The following BCL7A variants were observed in gnomAD, a reference collection of about 807,000 sequenced individuals.
BCL7A encodes B-cell CLL/lymphoma 7 protein family member A.
BCL7A carries 11 observed loss-of-function variants against 28.4 expected under a neutral mutation model. That is an observed-to-expected ratio of 0.39 (90% CI 0.24 to 0.64). The LOEUF is 0.64. Among genes scored for constraint, BCL7A ranks in the 30% least tolerant of loss-of-function variants. The pLI is 0.50. For synonymous variants in BCL7A, 123 were observed against 103.3 expected (o/e 1.19, Z -1.15); for missense variants, 222 against 274.8 (o/e 0.81, Z 1.36).
intron 1 of BCL7A, 49 bp downstream of exon 1, chr12:122,022,232 C>T (rs1382845279): frequency 6.6e-5 from 86 of 1,312,398 alleles, no homozygotes; most frequent in Admixed American, 7.9e-5. Context: ...GCCCCGAGCC[C>T]GAGCGCGGCT....
At chr12:122,025,658 A>T (rs2135838057) in intron 1 of BCL7A, among the ~76,000 whole-genome samples, 1 of 149,948 alleles carries the variant, frequency 6.7e-6, no homozygotes, top group Middle Eastern at 3.6e-3. Flanking sequence ...GAAAAAAGAA[A>T]AATTAGTCTG....
chr12:122,032,818 T>C (rs1883771725), intron 2 of BCL7A, among the ~76,000 whole-genome samples: 1 of 152,186 alleles, frequency 6.6e-6, no homozygotes, highest in Admixed American at 6.5e-5. Flanking sequence ...CCTCTTCATC[T>C]GTGAGCCATG....
At chr12:122,024,488 A>G (rs1251526513) in intron 1 of BCL7A, among the ~76,000 whole-genome samples, 2 of 138,920 alleles carry the variant, frequency 1.4e-5, no homozygotes, top group Non-Finnish European at 3.1e-5. Context: ...GGCCCCTTCT[A>G]AGCGAAAGCC....
intron 4 of BCL7A, among the ~76,000 whole-genome samples, chr12:122,051,960 C>T (rs762388552): frequency 5.4e-5 from 8 of 149,354 alleles, no homozygotes; most frequent in Non-Finnish European, 8.9e-5. Context: ...CTGCAACCTC[C>T]GCCTCCTGGG....
chr12:122,046,060 TAAAAA>T (rs776315126), intron 4 of BCL7A, among the ~76,000 whole-genome samples: 1 of 62,862 alleles, frequency 1.6e-5, no homozygotes, highest in Non-Finnish European at 2.8e-5. Context: ...GAGACCTTGC[TAAAAA>T]AAAAAAAAAA....
chr12:122,044,185 C>G, intron 4 of BCL7A, 132 bp downstream of exon 4: 1 of 1,060,510 alleles, frequency 9.4e-7, no homozygotes, highest in Non-Finnish European at 1.3e-6. Flanking sequence ...GAGGTGACAC[C>G]TGGAGTACAT....
intron 3 of BCL7A, among the ~76,000 whole-genome samples, chr12:122,041,668 G>T (rs193014924): frequency 2.0e-5 from 3 of 152,290 alleles, no homozygotes; most frequent in East Asian, 3.9e-4. Context: ...GGAGGCAGAG[G>T]CAGGAGGATG....
chr12:122,047,825 C>T (rs1290918729), intron 4 of BCL7A, among the ~76,000 whole-genome samples: 3 of 150,966 alleles, frequency 2.0e-5, no homozygotes, highest in Non-Finnish European at 4.4e-5. Flanking sequence ...CACACCCAGC[C>T]AAGATGTTTC....
At chr12:122,053,388 G>T (rs1047474281) in intron 4 of BCL7A, among the ~76,000 whole-genome samples, 1 of 152,118 alleles carries the variant, frequency 6.6e-6, no homozygotes, top group African/African-American at 2.4e-5. Flanking sequence ...TCTGTGTCCC[G>T]GCCTGTCCCA....
chr12:122,029,372 CAG>C lies in BCL7A; in HGVS notation c.93-1327_93-1326del, dbSNP rs1413732406. Among the ~76,000 whole-genome samples, 1 of 152,088 alleles carries C rather than the reference CAG, an allele frequency of 6.6e-6. No individual in the cohort carries two copies. The highest frequency in any genetic ancestry group is 2.4e-5 in the African/African-American group (1 of 41,398). Reference sequence around the variant, plus strand: ...CGTCATCCCGCAACCCCCGTGGTGACAGGGTGGGAGTCCTGTAACCTGTCACA... The same window carrying C: ...CGTCATCCCGCAACCCCCGTGGTGACGGTGGGAGTCCTGTAACCTGTCACA... On this transcript the variant is annotated intron_variant, in intron 1 of 5. Coordinates refer to ENST00000261822, the MANE Select transcript of BCL7A (RefSeq NM_001024808.3). This position sits in a 1 kb window ranked among gnomAD's most constrained non-coding sequence, Gnocchi z 4.3.
At chr12:122,049,027 A>AT (rs1331209879) in intron 4 of BCL7A, among the ~76,000 whole-genome samples, 12 of 74,276 alleles carry the variant, frequency 1.6e-4, no homozygotes, top group Non-Finnish European at 3.1e-4. Context: ...TAAAAAAAAA[A>AT]AAAAAAAAAT....
At position 122,029,191 on chromosome 12, in the gene BCL7A, C is replaced by T. The variant is rs1410805310; in HGVS notation, c.93-1509C>T. Among the ~76,000 whole-genome samples the T allele has an allele frequency of 1.3e-5, 2 of 152,196 alleles. No homozygotes were observed. Among genetic ancestry groups the T allele is most frequent in the African/African-American group, 4.8e-5 (2 of 41,448 alleles). ...CCATTTCCTGCCGGATGAGCCGGCA[C>T]AGTCCTTGGTACATAGAAGGCGCTA... is the stretch of plus-strand genomic sequence containing the variant. On this transcript the variant is annotated intron_variant, in intron 1 of 5. Transcript: ENST00000261822. This position sits in a 1 kb window ranked among gnomAD's most constrained non-coding sequence, Gnocchi z 4.3.
intron 1 of BCL7A, 118 bp downstream of exon 1, chr12:122,022,301 G>C: frequency 1.9e-6 from 1 of 535,254 alleles, no homozygotes; most frequent in Non-Finnish European, 2.4e-6. Flanking sequence ...CCCGCCGCGG[G>C]CCCCGGGACT....
At chr12:122,048,901 A>G (rs1256232428) in intron 4 of BCL7A, among the ~76,000 whole-genome samples, 1 of 151,422 alleles carries the variant, frequency 6.6e-6, no homozygotes, top group African/African-American at 2.4e-5. Context: ...AGCACCTGTA[A>G]TCCCAGCTAC....
chr12:122,052,546 G>A (rs960466654), intron 4 of BCL7A, among the ~76,000 whole-genome samples: 1 of 152,178 alleles, frequency 6.6e-6, no homozygotes, highest in Non-Finnish European at 1.5e-5. Context: ...GGGCAACCAC[G>A]AAACTTTCTG....
intron 4 of BCL7A, among the ~76,000 whole-genome samples, chr12:122,051,543 T>A (rs1224842538): frequency 6.6e-6 from 1 of 152,230 alleles, no homozygotes; most frequent in Non-Finnish European, 1.5e-5. Context: ...AGCTCCTGAA[T>A]GCTCTGTGGG....
intron 5 of BCL7A, 122 bp downstream of exon 5, chr12:122,055,048 C>A: frequency 1.9e-6 from 3 of 1,572,662 alleles, no homozygotes; most frequent in African/African-American, 1.3e-5. Context: ...ACCATTGGAA[C>A]TGTCATTTGT....
rs543097970 is a variant in BCL7A, at chr12:122,061,281, C to T, written c.*2118C>T. ...AGGCGTAGGTGGCCCTGCCGTTGAC[C>T]GCAGCCTCTCTGGACAGGCAAGGGG... On this transcript the variant is annotated 3_prime_UTR_variant, in exon 6 of 6. Coordinates refer to ENST00000261822, the MANE Select transcript of BCL7A (RefSeq NM_001024808.3). The T allele has an allele frequency of 8.6e-6, 2 of 231,304 alleles. No homozygotes were observed. The highest frequency in any genetic ancestry group is 6.1e-5 in the East Asian group (1 of 16,352). The allele number at this position is 231,304 out of a possible 1,614,324, so 14.3% of individuals were successfully genotyped here.
intron 1 of BCL7A, among the ~76,000 whole-genome samples, chr12:122,026,128 G>T (rs568802693): frequency 6.6e-6 from 1 of 151,768 alleles, no homozygotes; most frequent in East Asian, 1.9e-4. Flanking sequence ...TTAGCCGGGA[G>T]TGGTGGCAGG....
Sources: allele counts gnomAD v4.1 joint callset (sites outside exome capture counted in the v4.1 genomes callset), GRCh38; gene constraint gnomAD v4.1.1; non-coding constraint Gnocchi (gnomAD v3.1); transcripts MANE v1.5; gene names NCBI Gene and HGNC (gene_info 2026-07-23, HGNC 2026-07-21).